Variants in C8B observed in about 807,000 individuals in gnomAD.
C8B encodes complement component C8 beta chain.
C8B carries 67 observed loss-of-function variants against 64.6 expected under a neutral mutation model. That is an observed-to-expected ratio of 1.04 (90% CI 0.85 to 1.27). The LOEUF is 1.27. Ranked by LOEUF, C8B falls within the 50% of genes most tolerant of loss-of-function variation. C8B has a pLI of 0.00. For synonymous variants in C8B, 284 were observed against 257.7 expected, an observed-to-expected ratio of 1.10 and a Z score of -0.98; for missense variants, 790 against 725.2, an observed-to-expected ratio of 1.09 and a Z score of -1.03.
Position 56,962,860 on chromosome 1 carries a change from A to G in C8B, c.93-2684T>C, listed in dbSNP as rs567801078. 2.6e-5 allele frequency among the ~76,000 whole-genome samples: 4 copies of G among 152,276 alleles called. No homozygotes were observed. The East Asian group carries it at 7.7e-4, about 29-fold the overall frequency. On this transcript the variant is annotated intron_variant, in intron 1 of 11. Coordinates refer to ENST00000371237, the MANE Select transcript of C8B (RefSeq NM_000066.4). ...TATTGCTTGTGTGTGCTTTATTCATACTTACACATATGATTCTGCAACTCA... is the reference window on the plus strand; with the variant it reads ...TATTGCTTGTGTGTGCTTTATTCATGCTTACACATATGATTCTGCAACTCA...
At chr1:56,959,264 G>C (rs1382637320) in intron 2 of C8B, among the ~76,000 whole-genome samples, 1 of 152,188 alleles carries the variant, frequency 6.6e-6, no homozygotes, top group Non-Finnish European at 1.5e-5. Flanking sequence ...CCAGAGATTG[G>C]TCTACACATT....
intron 2 of C8B, 60 bp from the exon 3 acceptor site, chr1:56,956,970 G>C: frequency 6.3e-7 from 1 of 1,585,022 alleles, no homozygotes; most frequent in Non-Finnish European, 8.7e-7. Context: ...GGAGCTGAGG[G>C]ATACTCTGTG....
chr1:56,936,609 T>C (rs567900387), intron 9 of C8B, among the ~76,000 whole-genome samples: 1 of 151,780 alleles, frequency 6.6e-6, no homozygotes, highest in East Asian at 1.9e-4. Flanking sequence ...TTCTTTTTTT[T>C]TTTGAGACAG....
intron 1 of C8B, among the ~76,000 whole-genome samples, chr1:56,963,456 TTC>T (rs1483783004): frequency 6.6e-6 from 1 of 152,160 alleles, no homozygotes; most frequent in Non-Finnish European, 1.5e-5. Flanking sequence ...TCAATTTCTC[TTC>T]TCTCTGTCGT....
At chr1:56,955,569 G>A (rs1208912557) in intron 3 of C8B, among the ~76,000 whole-genome samples, 1 of 152,126 alleles carries the variant, frequency 6.6e-6, no homozygotes, top group East Asian at 1.9e-4. Flanking sequence ...CAATGTTCTT[G>A]GAGTGTTAAA....
rs778346359 is a variant in C8B, at chr1:56,929,373, C to T, written c.*31G>A. 2 of 1,610,608 alleles carry T rather than the reference C, an allele frequency of 1.2e-6. No homozygotes were observed. The highest frequency in any genetic ancestry group is 1.7e-6 in the Non-Finnish European group (2 of 1,178,598). ...TGAGTTCTTGAGGGCTCAGGGCTCTCATTGTATGTAGCCCACTGCTGTATC... is the reference window on the plus strand; with the variant it reads ...TGAGTTCTTGAGGGCTCAGGGCTCTTATTGTATGTAGCCCACTGCTGTATC... On this transcript the variant is annotated 3_prime_UTR_variant, in exon 12 of 12. Coordinates refer to ENST00000371237, the MANE Select transcript of C8B (RefSeq NM_000066.4).
At position 56,949,633 on chromosome 1, in the gene C8B, T is replaced by A. The variant is rs1454633029; in HGVS notation, c.786A>T (p.Gly262=). The part of the protein sequence containing the change: ...SGFSFGFKIP[G]IFELGISSQS... ...GACTACTGATGCCAAGTTCAAATATTCCAGGTATTTTAAAACCAAAACTGA... is the reference window on the plus strand; with the variant it reads ...GACTACTGATGCCAAGTTCAAATATACCAGGTATTTTAAAACCAAAACTGA... Residue 262 remains glycine (G), a synonymous_variant, in exon 6 of 12, where the codon GGA becomes GGT. Coordinates refer to ENST00000371237, the MANE Select transcript of C8B (RefSeq NM_000066.4). 1 of 1,613,988 alleles carries A rather than the reference T, an allele frequency of 6.2e-7. No individual in the cohort carries two copies. The highest frequency in any genetic ancestry group is 8.5e-7 in the Non-Finnish European group (1 of 1,179,992).
chr1:56,949,156 T>C (rs1377648748), intron 6 of C8B, among the ~76,000 whole-genome samples: 1 of 152,184 alleles, frequency 6.6e-6, no homozygotes, highest in Non-Finnish European at 1.5e-5. Context: ...AAACTCATGT[T>C]GAAATTTAAT....
Position 56,960,151 on chromosome 1 carries a change from A to T in C8B, c.118T>A (p.Ser40Thr). Residue 40 changes from serine to threonine, a missense_variant, in exon 2 of 12, where the codon TCA becomes ACA. Ser to Thr is a moderately conservative substitution (Grantham distance 58). Transcript: ENST00000371237. The part of the protein sequence containing the change: ...SRGERPHSFG[S>T]NAVNKSFAKS... Reference sequence around the variant, plus strand: ...GCAAAGCTCTTGTTGACTGCATTTGACCCAAAGGAATGTGGCCTTTCACCT... The same window carrying T: ...GCAAAGCTCTTGTTGACTGCATTTGTCCCAAAGGAATGTGGCCTTTCACCT... 1.2e-6 allele frequency: 2 copies of T among 1,614,168 alleles called. No individual in the cohort carries two copies. The highest frequency in any genetic ancestry group is 2.2e-5 in the South Asian group (2 of 91,072).
chr1:56,943,559 T>TAAAAACAGA, intron 8 of C8B, 137 bp downstream of exon 8: 1 of 1,034,920 alleles, frequency 9.7e-7, no homozygotes, highest in Non-Finnish European at 1.5e-6. Flanking sequence ...GGTAAAACTA[T>TAAAAACAGA]AAAAAACAGA....
At chr1:56,930,243 C>A (rs1377879292) in intron 11 of C8B, among the ~76,000 whole-genome samples, 1 of 152,190 alleles carries the variant, frequency 6.6e-6, no homozygotes, top group Non-Finnish European at 1.5e-5. Flanking sequence ...GATGAAGTGA[C>A]AACAGACACC....
chr1:56,962,259 T>G (rs192662872), intron 1 of C8B, among the ~76,000 whole-genome samples: 1 of 152,360 alleles, frequency 6.6e-6, no homozygotes, highest in African/African-American at 2.4e-5. Context: ...GCACCCAATT[T>G]TCATTATGGA....
At chr1:56,953,459 C>T (rs1645055517) in intron 4 of C8B, among the ~76,000 whole-genome samples, 1 of 152,194 alleles carries the variant, frequency 6.6e-6, no homozygotes, top group Admixed American at 6.5e-5. Flanking sequence ...GTTAGTATTA[C>T]TATTATCCCC....
At position 56,965,989 on chromosome 1, in the gene C8B, C is replaced by A. The variant is rs901076112; in HGVS notation, c.-41G>T. 1.2e-6 allele frequency: 2 copies of A among 1,612,610 alleles called. No individual in the cohort carries two copies. The highest frequency in any genetic ancestry group is 3.3e-5 in the Admixed American group (2 of 59,994). ...GGAGATGCCACAGAGGCTGCTAGAC[C>A]CATAACAAGCCTGTGCTGTGAGTGC... On this transcript the variant is annotated 5_prime_UTR_variant, in exon 1 of 12. Coordinates refer to ENST00000371237, the MANE Select transcript of C8B (RefSeq NM_000066.4).
In C8B at chr1:56,965,999, C is replaced by T. The variant is rs756227250; in HGVS notation, c.-51G>A. 12 of 1,612,164 alleles carry T rather than the reference C, an allele frequency of 7.4e-6. No homozygotes were observed. In the African/African-American group the frequency reaches 1.2e-4, roughly 16 times the overall value. The stretch of plus-strand genomic sequence containing the variant: ...CAGAGGCTGCTAGACCCATAACAAG[C>T]CTGTGCTGTGAGTGCCACTGTCAGC... On this transcript the variant is annotated 5_prime_UTR_variant, in exon 1 of 12. Coordinates refer to ENST00000371237, the MANE Select transcript of C8B (RefSeq NM_000066.4).
At chr1:56,956,979 T>C in intron 2 of C8B, 69 bp from the exon 3 acceptor site, 1 of 1,571,158 alleles carries the variant, frequency 6.4e-7, no homozygotes, top group Non-Finnish European at 8.7e-7. Context: ...GGATACTCTG[T>C]GTAAATGGGT....
Position 56,940,990 on chromosome 1 carries a change from C to A in C8B, c.1257G>T (p.Met419Ile), listed in dbSNP as rs761035243. 6.2e-6 allele frequency: 10 copies of A among 1,614,000 alleles called. No homozygotes were observed. Among genetic ancestry groups the A allele is most frequent in the African/African-American group, 1.3e-5 (1 of 74,918 alleles). Residue 419 changes from methionine (M) to isoleucine (I), a missense_variant, in exon 9 of 12, where the codon ATG (methionine) becomes ATT (isoleucine). By Grantham distance (10) the Met-to-Ile change is conservative. Coordinates refer to ENST00000371237, the MANE Select transcript of C8B (RefSeq NM_000066.4). ...EIKDRNKRDT[M>I]VEDLVVLVRG... is the part of the protein sequence containing the mutation. ...GTACCAGGACCACCAAGTCCTCCAC[C>A]ATGGTGTCCCTCTTGTTTCTGTCTG...
At chr1:56,932,878 G>A (rs1644722516) in intron 10 of C8B, among the ~76,000 whole-genome samples, 1 of 152,030 alleles carries the variant, frequency 6.6e-6, no homozygotes, top group Non-Finnish European at 1.5e-5. Flanking sequence ...GTCTTGCTAG[G>A]CTATCACAAC....
At chr1:56,957,023 G>T in intron 2 of C8B, 113 bp from the exon 3 acceptor site, 1 of 1,078,330 alleles carries the variant, frequency 9.3e-7, no homozygotes, top group Non-Finnish European at 1.4e-6. Context: ...CAAGAGCACT[G>T]AAATGTCTGA....
Sources: allele counts gnomAD v4.1 joint callset (sites outside exome capture counted in the v4.1 genomes callset), GRCh38; gene constraint gnomAD v4.1.1; transcripts MANE v1.5; gene names NCBI Gene and HGNC (gene_info 2026-07-23, HGNC 2026-07-21).